The following HYDIN variants were observed in gnomAD, a reference collection of about 807,000 sequenced individuals.
HYDIN encodes axonemal central pair apparatus protein HYDIN.
In HYDIN, 132 loss-of-function variants were observed where a neutral mutation model predicts 403.9. That is an observed-to-expected ratio of 0.33 (90% CI 0.28 to 0.38). The LOEUF (loss-of-function observed/expected upper bound fraction) is 0.38, where lower values mean the gene tolerates loss of function less well. Ranked by LOEUF, HYDIN falls within the 10% of genes least tolerant of loss-of-function variation. The pLI is 1.00. For missense variants in HYDIN, 2,827 were observed against 5,009.5 expected, an observed-to-expected ratio of 0.56 and a Z score of 13.15; for synonymous variants, 1,202 against 1,891.7, an observed-to-expected ratio of 0.64 and a Z score of 9.46.
At chr16:71,108,644 C>A (rs529044281) in intron 10 of HYDIN, among the ~76,000 whole-genome samples, 304 of 151,732 alleles carry the variant, frequency 2.0e-3, no homozygotes, top group Non-Finnish European at 3.2e-3. Context: ...GTGATCTGAT[C>A]GCTGTATATT....
rs1173505158 is a variant in HYDIN at position 71,066,538 on chromosome 16, A to C, written c.2075+752T>G. On this transcript the variant is annotated intron_variant, in intron 15 of 85. Coordinates refer to ENST00000393567, the MANE Select transcript of HYDIN (RefSeq NM_001270974.2). The stretch of plus-strand genomic sequence containing the variant: ...ATTTTCTCTATTTCCTATACATAGC[A>C]TTTGCATACATACAACTTAAAGTCC... The C allele has an allele frequency of 2.7e-5, 5 of 187,646 alleles. No homozygotes were observed. In the Admixed American group the frequency reaches 2.8e-4, roughly 11 times the overall value. The allele number at this position is 187,646 out of a possible 1,614,324, so 11.6% of individuals were successfully genotyped here. A position where few individuals can be genotyped will look rare whatever the true frequency, so the allele number is the denominator to read the frequency against.
intron 53 of HYDIN, among the ~76,000 whole-genome samples, chr16:70,900,432 A>ACAC (rs925261060): frequency 6.7e-6 from 1 of 149,164 alleles, no homozygotes; most frequent in African/African-American, 2.5e-5. Context: ...AGCCGAGATC[A>ACAC]CACCACTGCA....
intron 1 of HYDIN, among the ~76,000 whole-genome samples, chr16:71,198,750 G>T (rs1453101469): frequency 6.6e-6 from 1 of 152,136 alleles, no homozygotes; most frequent in Non-Finnish European, 1.5e-5. Context: ...CTGGGTTTCT[G>T]GGTTCCTGGG....
At chr16:70,995,333 G>A (rs59672652) in intron 23 of HYDIN, among the ~76,000 whole-genome samples, 42 of 152,192 alleles carry the variant, frequency 2.8e-4, no homozygotes, top group African/African-American at 9.4e-4. Context: ...AAGAACAATC[G>A]ATACTGTTCC....
chr16:70,879,889 G>C (rs771548450), intron 60 of HYDIN, 133 bp from the exon 61 acceptor site: 14 of 477,616 alleles, frequency 2.9e-5, no homozygotes, highest in Non-Finnish European at 4.6e-5. Context: ...GCAGGGTGAG[G>C]GGCTCTGGAG....
At chr16:70,946,952 G>A (rs2143901997) in intron 41 of HYDIN, among the ~76,000 whole-genome samples, 1 of 152,176 alleles carries the variant, frequency 6.6e-6, no homozygotes, top group Non-Finnish European at 1.5e-5. Context: ...GAGACAATGG[G>A]GTTTTCTAGA....
chr16:70,951,458 C>T (rs913611905), intron 41 of HYDIN, among the ~76,000 whole-genome samples: 3 of 152,138 alleles, frequency 2.0e-5, no homozygotes, highest in Non-Finnish European at 2.9e-5. Context: ...CAAGCCTCCT[C>T]GTTGCTTCCC....
At chr16:71,150,882 A>G (rs1258239141) in intron 7 of HYDIN, among the ~76,000 whole-genome samples, 1 of 152,226 alleles carries the variant, frequency 6.6e-6, no homozygotes, top group African/African-American at 2.4e-5. Flanking sequence ...AGAATAAGCA[A>G]AGAAAGGTCT....
chr16:71,134,465 T>C (rs1009997643), intron 8 of HYDIN, among the ~76,000 whole-genome samples: 2 of 152,268 alleles, frequency 1.3e-5, no homozygotes, highest in African/African-American at 4.8e-5. Context: ...TCTGCAGGCC[T>C]TGCTGGGGTG....
chr16:71,108,702 T>C (rs1186283807), intron 10 of HYDIN, among the ~76,000 whole-genome samples: 1 of 152,090 alleles, frequency 6.6e-6, no homozygotes, highest in African/African-American at 2.4e-5. Context: ...GTATGGTTAT[T>C]ATTTGTCAAT....
rs914306413 is a variant in HYDIN at position 70,804,363 on chromosome 16, A to G, written c.*3217T>C. 1.1e-4 allele frequency among the ~76,000 whole-genome samples: 17 copies of G among 152,228 alleles called. No individual in the cohort carries two copies. Among genetic ancestry groups the G allele is most frequent in the African/African-American group, 3.9e-4 (16 of 41,460 alleles). Reference sequence around the variant, plus strand: ...TGGGGATGCAGCAGAGAAAGTGATGATCAAAGGTCACTGAGTGATGAGATG... The same window carrying G: ...TGGGGATGCAGCAGAGAAAGTGATGGTCAAAGGTCACTGAGTGATGAGATG... On this transcript the variant is annotated 3_prime_UTR_variant, in exon 86 of 86. Coordinates refer to ENST00000393567, the MANE Select transcript of HYDIN (RefSeq NM_001270974.2).
intron 78 of HYDIN, among the ~76,000 whole-genome samples, chr16:70,834,545 G>C (rs1371205110): frequency 6.6e-6 from 1 of 152,032 alleles, no homozygotes; most frequent in Non-Finnish European, 1.5e-5. Context: ...TTCCCTGTGT[G>C]GTTTTTAAAA....
chr16:70,944,916 T>C (rs140446046), intron 41 of HYDIN, among the ~76,000 whole-genome samples: 5,643 of 151,890 alleles, frequency 0.037, no homozygotes, highest in African/African-American at 0.087. Flanking sequence ...CCATGCCTTG[T>C]TAATTTTTGT....
Position 71,093,952 on chromosome 16 carries a change from G to C in HYDIN, c.1328-17C>G. The C allele has an allele frequency of 1.2e-6, 2 of 1,612,830 alleles. No homozygotes were observed. Among genetic ancestry groups the C allele is most frequent in the Middle Eastern group, 1.7e-4 (1 of 6,054 alleles). On this transcript the variant is annotated splice_polypyrimidine_tract_variant and intron_variant, in intron 10 of 85. Coordinates refer to ENST00000393567, the MANE Select transcript of HYDIN (RefSeq NM_001270974.2). ...TTTCTCGGCCTAGAAAAACAATTCA[G>C]ACTTTATCATCCAAATGGTGCTTCA...
chr16:70,861,230 G>A (rs1261908539), intron 69 of HYDIN, among the ~76,000 whole-genome samples: 1 of 152,198 alleles, frequency 6.6e-6, no homozygotes, highest in Non-Finnish European at 1.5e-5. Context: ...AAAGTGACCT[G>A]GAAATCCTAA....
intron 1 of HYDIN, among the ~76,000 whole-genome samples, chr16:71,225,904 G>C (rs1352842963): frequency 2.0e-5 from 3 of 152,154 alleles, no homozygotes; most frequent in Non-Finnish European, 4.4e-5. Context: ...ACATCATTGA[G>C]AGAAATTAAA....
chr16:71,038,904 C>T (rs1299552649), intron 18 of HYDIN, among the ~76,000 whole-genome samples: 1 of 151,882 alleles, frequency 6.6e-6, no homozygotes, highest in African/African-American at 2.4e-5. Context: ...AGTGAACTGC[C>T]CATCTCAGCC....
At chr16:70,996,470 G>C (rs1209712410) in intron 23 of HYDIN, among the ~76,000 whole-genome samples, 3 of 152,018 alleles carry the variant, frequency 2.0e-5, no homozygotes, top group Non-Finnish European at 4.4e-5. Context: ...AGAGGGCTTG[G>C]GTTTGAATTC....
At chr16:71,164,035 A>G in intron 5 of HYDIN, among the ~76,000 whole-genome samples, 1 of 147,666 alleles carries the variant, frequency 6.8e-6, no homozygotes, top group East Asian at 2.1e-4. Context: ...ATGCCATCTC[A>G]TAAGATAGAA....
Sources: allele counts gnomAD v4.1 joint callset (sites outside exome capture counted in the v4.1 genomes callset), GRCh38; gene constraint gnomAD v4.1.1; transcripts MANE v1.5; gene names NCBI Gene and HGNC (gene_info 2026-07-23, HGNC 2026-07-21).